RARB: variants seen among roughly 807,000 people sequenced by gnomAD.
The protein encoded by RARB is retinoic acid receptor beta, also known as HBV-activated protein.
Under a neutral mutation model 51.9 loss-of-function variants are expected in RARB, and 17 were observed. The ratio of observed to expected loss-of-function variants is 0.33; its 90% CI spans 0.22 to 0.49. The LOEUF (loss-of-function observed/expected upper bound fraction) is 0.49, where lower values mean the gene tolerates loss of function less well. Ranked by LOEUF, RARB falls within the 20% of genes least tolerant of loss-of-function variation. The probability of loss-of-function intolerance (pLI) is 0.99; values close to 1 mark genes in which losing one functional copy is unlikely to be tolerated. For synonymous variants in RARB, 215 were observed against 195.4 expected (o/e 1.10, Z -0.84); for missense variants, 369 against 550.8 (o/e 0.67, Z 3.30).
intron 3 of RARB, among the ~76,000 whole-genome samples, chr3:25,510,761 G>T (rs11926758): frequency 0.083 from 12,612 of 152,244 alleles, 610 homozygotes; most frequent in African/African-American, 0.14. Context: ...AAGACAGTAT[G>T]AACTCATTTA....
At chr3:25,378,353 G>A (rs771184579) in intron 5 of RARB, among the ~76,000 whole-genome samples, 16 of 152,162 alleles carry the variant, frequency 1.1e-4, no homozygotes, top group Admixed American at 6.5e-5. Context: ...CTGAAGTGGC[G>A]TGATGCCTCT....
At chr3:25,199,958 C>A (rs1375304673) in intron 5 of RARB, among the ~76,000 whole-genome samples, 1 of 151,948 alleles carries the variant, frequency 6.6e-6, no homozygotes, top group African/African-American at 2.4e-5. Flanking sequence ...TGGGTATACG[C>A]CCAGTAATGG....
intron 4 of RARB, among the ~76,000 whole-genome samples, chr3:25,154,477 TG>T (rs1223060497): frequency 6.6e-6 from 1 of 152,208 alleles, no homozygotes; most frequent in East Asian, 1.9e-4. Flanking sequence ...GCCCTCTCAG[TG>T]GGACCCTTGC....
intron 5 of RARB, among the ~76,000 whole-genome samples, chr3:25,191,862 C>T (rs780270203): frequency 2.6e-5 from 4 of 152,106 alleles, no homozygotes; most frequent in Non-Finnish European, 5.9e-5. Context: ...TCTCTGATTA[C>T]ATAGTCAAGG....
At chr3:24,958,596 G>C (rs1270050880) in intron 2 of RARB, among the ~76,000 whole-genome samples, 1 of 152,096 alleles carries the variant, frequency 6.6e-6, no homozygotes, top group Admixed American at 6.6e-5. Context: ...ACTGTAGTCA[G>C]CGCTAGTTTG....
chr3:25,371,595 C>G (rs1353727016), intron 5 of RARB, among the ~76,000 whole-genome samples: 1 of 152,214 alleles, frequency 6.6e-6, no homozygotes, highest in Admixed American at 6.5e-5. Flanking sequence ...GAGGAGGGCA[C>G]TTTTCCAGTG....
At chr3:24,912,323 A>G (rs556845653) in intron 2 of RARB, among the ~76,000 whole-genome samples, 1 of 152,316 alleles carries the variant, frequency 6.6e-6, no homozygotes, top group South Asian at 2.1e-4. Context: ...CATTTGTTCT[A>G]CAAAAGGATT....
chr3:25,346,094 C>G (rs901353233), intron 5 of RARB: 8 of 154,542 alleles, frequency 5.2e-5, no homozygotes, highest in African/African-American at 1.4e-4. Flanking sequence ...ATGGCCAAAG[C>G]AAGGACAGCT....
At chr3:25,210,746 G>T (rs1437814616) in intron 5 of RARB, among the ~76,000 whole-genome samples, 1 of 151,680 alleles carries the variant, frequency 6.6e-6, no homozygotes, top group Non-Finnish European at 1.5e-5. Context: ...CATTGGCCAT[G>T]CTGGTCTCGA....
intron 3 of RARB, among the ~76,000 whole-genome samples, chr3:25,060,937 A>C (rs935055955): frequency 6.6e-6 from 1 of 151,938 alleles, no homozygotes; most frequent in Non-Finnish European, 1.5e-5. Context: ...GTATTCACAC[A>C]GATGAAGCAT....
chr3:25,443,742 G>A (rs932647273), intron 1 of RARB, among the ~76,000 whole-genome samples: 6 of 151,898 alleles, frequency 4.0e-5, no homozygotes, highest in African/African-American at 1.5e-4. Context: ...GACCAGCCTG[G>A]CCAACATGGT....
chr3:24,889,159 G>GCCA (rs1447331250), intron 2 of RARB, among the ~76,000 whole-genome samples: 7 of 152,162 alleles, frequency 4.6e-5, no homozygotes, highest in African/African-American at 1.7e-4. Context: ...CTGCAGAAAT[G>GCCA]CCATCTCTTT....
intron 2 of RARB, among the ~76,000 whole-genome samples, chr3:24,940,131 A>T (rs7648839): frequency 0.47 from 70,702 of 152,046 alleles, 16,909 homozygotes; most frequent in East Asian, 0.52. Flanking sequence ...TGTTGGCAGT[A>T]ATCTAGACAC....
At chr3:25,309,747 G>A (rs746535154) in intron 5 of RARB, among the ~76,000 whole-genome samples, 4 of 151,680 alleles carry the variant, frequency 2.6e-5, no homozygotes, top group Non-Finnish European at 4.4e-5. Context: ...CGCCAACCTC[G>A]GCCTCCCAAA....
intron 5 of RARB, among the ~76,000 whole-genome samples, chr3:25,312,494 G>A (rs1380515431): frequency 2.0e-5 from 3 of 152,088 alleles, no homozygotes; most frequent in African/African-American, 7.2e-5. Flanking sequence ...TAGAGGAAAA[G>A]TAAAGCCTGG....
chr3:24,857,990 C>A (rs1304207299), intron 1 of RARB, among the ~76,000 whole-genome samples: 1 of 152,154 alleles, frequency 6.6e-6, no homozygotes, highest in African/African-American at 2.4e-5. Context: ...CAAAGAGGAT[C>A]TCTGAGGCAA....
intron 1 of RARB, among the ~76,000 whole-genome samples, chr3:24,835,273 C>T (rs979660192): frequency 1.3e-5 from 2 of 152,186 alleles, no homozygotes; most frequent in African/African-American, 4.8e-5. Flanking sequence ...AGAAAGAGAA[C>T]TGATGAAATG....
intron 2 of RARB, among the ~76,000 whole-genome samples, chr3:25,042,299 GCA>G (rs1698129766): frequency 6.6e-6 from 1 of 152,158 alleles, no homozygotes; most frequent in Admixed American, 6.5e-5. Context: ...AGATATGAAA[GCA>G]CAGTGTTTAT....
intron 2 of RARB, among the ~76,000 whole-genome samples, chr3:25,027,296 G>A (rs1697768966): frequency 1.3e-5 from 2 of 152,170 alleles, no homozygotes; most frequent in Admixed American, 6.6e-5. Context: ...GGCATAGTAG[G>A]AAGAGTGAGT....
Sources: allele counts gnomAD v4.1 joint callset (sites outside exome capture counted in the v4.1 genomes callset), GRCh38; gene constraint gnomAD v4.1.1; transcripts MANE v1.5; gene names NCBI Gene and HGNC (gene_info 2026-07-23, HGNC 2026-07-21).